The following SNX6 variants were observed in gnomAD, a reference collection of about 807,000 sequenced individuals.
SNX6 encodes sorting nexin-6.
In SNX6, 34 loss-of-function variants were observed where a neutral mutation model predicts 63.0. The observed-to-expected ratio is 0.54, with a 90% CI of 0.41 to 0.72. The LOEUF is 0.72. SNX6 is among the 30% of genes least tolerant of loss of function. The probability of loss-of-function intolerance (pLI) is 0.00; values close to 1 mark genes in which losing one functional copy is unlikely to be tolerated. For synonymous variants in SNX6, 170 were observed against 164.2 expected (o/e 1.04, Z -0.27); for missense variants, 398 against 471.4 (o/e 0.84, Z 1.44).
chr14:34,593,799 C>T (rs1267175238), intron 7 of SNX6, among the ~76,000 whole-genome samples: 1 of 150,794 alleles, frequency 6.6e-6, no homozygotes, highest in African/African-American at 2.4e-5. Context: ...ATGCTGGTCT[C>T]GAACTCCTCA....
At chr14:34,565,512 TG>T (rs1881138103) in intron 13 of SNX6, among the ~76,000 whole-genome samples, 1 of 152,158 alleles carries the variant, frequency 6.6e-6, no homozygotes, top group Non-Finnish European at 1.5e-5. Context: ...TGGTAGTTCA[TG>T]ACCTCTTTGT....
rs537054447 is a variant in SNX6, at chr14:34,568,452, A to T, written c.922-439T>A. ...CACCACGTTAGCCAGGATGGTCTCG[A>T]TCTCTTGACCTCGTGATCCACCCGC... is the stretch of plus-strand genomic sequence containing the variant. On this transcript the variant is annotated intron_variant, in intron 11 of 13. Coordinates refer to ENST00000362031, the MANE Select transcript of SNX6 (RefSeq NM_152233.4). Among the ~76,000 whole-genome samples, 5 of 151,820 alleles carry T rather than the reference A, an allele frequency of 3.3e-5. No individual in the cohort carries two copies. The South Asian group carries it at 8.3e-4, about 25-fold the overall frequency.
chr14:34,624,613 T>G lies in SNX6; in HGVS notation c.54+5294A>C, dbSNP rs543994549. ...GAGATCAAGACCATCCTGGCCAACA[T>G]GGTGAAACCTCGTCTCTACTAAAAA... On this transcript the variant is annotated intron_variant, in intron 2 of 13. Transcript: ENST00000362031. Among the ~76,000 whole-genome samples, 3 of 151,752 alleles carry G rather than the reference T, an allele frequency of 2.0e-5. No individual in the cohort carries two copies. In the East Asian group the frequency reaches 6.0e-4, roughly 30 times the overall value.
chr14:34,573,284 A>G (rs922645218), intron 11 of SNX6, among the ~76,000 whole-genome samples: 1 of 152,142 alleles, frequency 6.6e-6, no homozygotes, highest in Non-Finnish European at 1.5e-5. Flanking sequence ...AGCCAAAAAA[A>G]CTTTTTGAGG....
intron 9 of SNX6, among the ~76,000 whole-genome samples, chr14:34,583,281 C>A (rs1310517188): frequency 6.6e-6 from 1 of 152,094 alleles, no homozygotes; most frequent in Non-Finnish European, 1.5e-5. Context: ...TGCACTCCAG[C>A]CTGGGCAACA....
At chr14:34,628,809 C>T (rs1331308253) in intron 2 of SNX6, among the ~76,000 whole-genome samples, 1 of 152,068 alleles carries the variant, frequency 6.6e-6, no homozygotes, top group Non-Finnish European at 1.5e-5. Context: ...AACTGAAGTG[C>T]AGGCTGTGAA....
intron 13 of SNX6, among the ~76,000 whole-genome samples, chr14:34,564,360 C>T (rs1881072259): frequency 6.6e-6 from 1 of 152,010 alleles, no homozygotes; most frequent in African/African-American, 2.4e-5. Flanking sequence ...CATCCTTGGC[C>T]CACCATGTAC....
intron 6 of SNX6, among the ~76,000 whole-genome samples, chr14:34,603,008 T>C (rs1005492222): frequency 7.0e-6 from 1 of 143,158 alleles, no homozygotes; most frequent in African/African-American, 2.6e-5. Flanking sequence ...CTGGGCGCTA[T>C]GGCTCACGCC....
At chr14:34,612,205 T>C (rs1474551546) in intron 2 of SNX6, among the ~76,000 whole-genome samples, 1 of 152,146 alleles carries the variant, frequency 6.6e-6, no homozygotes, top group Non-Finnish European at 1.5e-5. Context: ...CCTCCCAAAG[T>C]GCTGGGATTA....
At chr14:34,626,483 C>G (rs1291698429) in intron 2 of SNX6, among the ~76,000 whole-genome samples, 1 of 150,370 alleles carries the variant, frequency 6.7e-6, no homozygotes, top group South Asian at 2.1e-4. Flanking sequence ...TGAAACCCCG[C>G]CTCTACTAAA....
At position 34,578,127 on chromosome 14, in the gene SNX6, C is replaced by T. The variant is rs181635217; in HGVS notation, c.835-2285G>A. On this transcript the variant is annotated intron_variant, in intron 10 of 13. Coordinates refer to ENST00000362031, the MANE Select transcript of SNX6 (RefSeq NM_152233.4). The stretch of plus-strand genomic sequence containing the variant: ...GCTGAGGCATGAGACTCACTTGAGC[C>T]CAGGAGGCAAAGGTTGCAGTGAGCC... Among the ~76,000 whole-genome samples the T allele has an allele frequency of 3.7e-3, 557 of 151,960 alleles. 1 individual carries two copies. The highest frequency in any genetic ancestry group is 0.013 in the African/African-American group (527 of 41,448).
At chr14:34,611,541 T>C (rs1211706195) in intron 2 of SNX6, among the ~76,000 whole-genome samples, 2 of 151,150 alleles carry the variant, frequency 1.3e-5, no homozygotes, top group Non-Finnish European at 2.9e-5. Context: ...CCCAGCACTT[T>C]GGCAGGCCGA....
chr14:34,608,899 G>C (rs1437607056), intron 3 of SNX6, among the ~76,000 whole-genome samples: 2 of 152,000 alleles, frequency 1.3e-5, no homozygotes, highest in Non-Finnish European at 2.9e-5. Flanking sequence ...GTGGTGGCTT[G>C]TGCCTGTAGT....
At chr14:34,575,644 T>C (rs1467068889) in intron 11 of SNX6, 112 bp downstream of exon 11, 2 of 477,194 alleles carry the variant, frequency 4.2e-6, no homozygotes, top group South Asian at 2.8e-5. Context: ...TATTTGAAAA[T>C]ATAATTTAAA....
chr14:34,574,224 T>C (rs1003035727), intron 11 of SNX6, among the ~76,000 whole-genome samples: 3 of 150,454 alleles, frequency 2.0e-5, no homozygotes, highest in Non-Finnish European at 4.4e-5. Flanking sequence ...TAATCCCAGC[T>C]ACTTGGGAGG....
intron 11 of SNX6, among the ~76,000 whole-genome samples, chr14:34,573,340 T>C (rs1282772876): frequency 1.3e-5 from 2 of 152,042 alleles, no homozygotes; most frequent in African/African-American, 4.8e-5. Context: ...ATTGGGAGGC[T>C]GAGGCTGGTG....
chr14:34,623,804 T>G (rs1360804587), intron 2 of SNX6, among the ~76,000 whole-genome samples: 1 of 152,194 alleles, frequency 6.6e-6, no homozygotes, highest in Non-Finnish European at 1.5e-5. Context: ...GAACAAGTAG[T>G]TACTCCACCT....
At chr14:34,576,460 T>A (rs865950856) in intron 10 of SNX6, among the ~76,000 whole-genome samples, 14,270 of 150,030 alleles carry the variant, frequency 0.095, 1,126 homozygotes, top group African/African-American at 0.22. Context: ...ATATTTTTTT[T>A]TTTTTTGAGA....
At chr14:34,590,693 T>C (rs1425848613) in intron 8 of SNX6, among the ~76,000 whole-genome samples, 2 of 152,036 alleles carry the variant, frequency 1.3e-5, no homozygotes, top group South Asian at 2.1e-4. Flanking sequence ...GAAAAAAAAA[T>C]TGGTAGTTTC....
Sources: allele counts gnomAD v4.1 joint callset (sites outside exome capture counted in the v4.1 genomes callset), GRCh38; gene constraint gnomAD v4.1.1; transcripts MANE v1.5; gene names NCBI Gene and HGNC (gene_info 2026-07-23, HGNC 2026-07-21).